Variants in AHNAK observed in about 807,000 individuals in gnomAD.
AHNAK encodes the protein neuroblast differentiation-associated protein AHNAK.
In AHNAK, 23 loss-of-function variants were observed where a neutral mutation model predicts 37.8. That is an observed-to-expected ratio of 0.61 (90% confidence interval 0.44 to 0.86). The LOEUF is 0.86. Among genes scored for constraint, AHNAK ranks in the 40% least tolerant of loss-of-function variants. AHNAK has a pLI of 0.00. For missense variants in AHNAK, 7,411 were observed against 7,319.4 expected, an observed-to-expected ratio of 1.01 and a Z score of -0.46; for synonymous variants, 2,481 against 2,636.3, an observed-to-expected ratio of 0.94 and a Z score of 1.80.
Position 62,527,218 on chromosome 11 carries a change from G to A in AHNAK, c.7199C>T (p.Ala2400Val). 1 of 1,612,756 alleles carries A rather than the reference G, an allele frequency of 6.2e-7. No homozygotes were observed. Among genetic ancestry groups the A allele is most frequent in the Non-Finnish European group, 8.5e-7 (1 of 1,179,540 alleles). The change falls in exon 5 of 5, where the codon GCA (alanine) becomes GTA (valine). Residue 2400 changes from alanine to valine, a missense_variant. By Grantham distance (64) the Ala-to-Val change is moderately conservative (BLOSUM62 0). Transcript: ENST00000378024. ...DLDLHLKSPKAKGEVDVDVPK... is the reference protein window; with the variant it reads ...DLDLHLKSPKVKGEVDVDVPK... The stretch of plus-strand genomic sequence containing the variant: ...AACATCTACATCCACCTCTCCTTTT[G>A]CCTTGGGGCTCTTCAAGTGTAGATC...
intron 5 of AHNAK, among the ~76,000 whole-genome samples, chr11:62,472,982 G>A (rs934426950): frequency 4.7e-5 from 7 of 149,734 alleles, no homozygotes; most frequent in Non-Finnish European, 8.8e-5. Flanking sequence ...CTACTCGGGA[G>A]GCTGAGGCAC....
At chr11:62,454,600 TG>T (rs1172196202) in intron 5 of AHNAK, among the ~76,000 whole-genome samples, 1 of 152,092 alleles carries the variant, frequency 6.6e-6, no homozygotes, top group African/African-American at 2.4e-5. Context: ...GATGCCACCC[TG>T]GGGACCCGCT....
At chr11:62,545,233 G>T (rs1309149188) in intron 1 of AHNAK, among the ~76,000 whole-genome samples, 1 of 152,224 alleles carries the variant, frequency 6.6e-6, no homozygotes, top group African/African-American at 2.4e-5. Context: ...CTGCGAAACC[G>T]GCAAGCACAC....
At chr11:62,488,792 C>T (rs1939444291) in intron 5 of AHNAK, among the ~76,000 whole-genome samples, 1 of 152,056 alleles carries the variant, frequency 6.6e-6, no homozygotes, top group African/African-American at 2.4e-5. Flanking sequence ...AGTGGAGGCC[C>T]AGCACCAGGG....
intron 5 of AHNAK, among the ~76,000 whole-genome samples, chr11:62,481,701 T>C (rs1398171964): frequency 2.4e-5 from 3 of 124,466 alleles, no homozygotes; most frequent in South Asian, 5.6e-4. Flanking sequence ...CCTCAGCCTC[T>C]TGAGTAGCTG....
At chr11:62,536,233 G>T in intron 2 of AHNAK, 135 bp from the exon 3 acceptor site, 1 of 921,400 alleles carries the variant, frequency 1.1e-6, no homozygotes, top group Non-Finnish European at 1.5e-6. Context: ...CCTGCAGCTG[G>T]CTCACCTGCC....
chr11:62,520,530 G>T lies in AHNAK; in HGVS notation c.13887C>A (p.Ile4629=). 1.2e-6 allele frequency: 2 copies of T among 1,614,138 alleles called. No homozygotes were observed. The highest frequency in any genetic ancestry group is 1.7e-6 in the Non-Finnish European group (2 of 1,180,038). Residue 4629 remains isoleucine (I), a synonymous_variant, in exon 5 of 5, where the codon ATC becomes ATA. Coordinates refer to ENST00000378024, the MANE Select transcript of AHNAK (RefSeq NM_001620.3). The stretch of plus-strand genomic sequence containing the variant: ...CATCAATGTCCACTTTGGGGTCCCT[G>T]ATGTCAACTTCGGGGCCCTTGAGGT... ...EGDLKGPEVD[I]RDPKVDIDVP...
At chr11:62,485,738 G>A (rs1264170453) in intron 5 of AHNAK, among the ~76,000 whole-genome samples, 3 of 148,588 alleles carry the variant, frequency 2.0e-5, no homozygotes, top group Middle Eastern at 3.3e-3. Context: ...ACAGAAGGCC[G>A]GGAGTGGTGG....
At chr11:62,451,268 C>G (rs1345828423) in intron 5 of AHNAK, among the ~76,000 whole-genome samples, 1 of 150,824 alleles carries the variant, frequency 6.6e-6, no homozygotes, top group Admixed American at 6.6e-5. Context: ...AATGTCGGGT[C>G]AGAGAAAGGC....
At chr11:62,477,883 G>A (rs1376554938) in intron 5 of AHNAK, among the ~76,000 whole-genome samples, 1 of 152,126 alleles carries the variant, frequency 6.6e-6, no homozygotes, top group Non-Finnish European at 1.5e-5. Flanking sequence ...TGATGGTTGT[G>A]CAGAAACCTG....
chr11:62,517,227 G>T lies in AHNAK; in HGVS notation c.17190C>A (p.Gly5730=). Residue 5730 remains glycine (G), a synonymous_variant, in exon 5 of 5, where the codon GGC becomes GGA. Coordinates refer to ENST00000378024, the MANE Select transcript of AHNAK (RefSeq NM_001620.3). ...ACCCAGAAATTGATGCTTCTGGTGA[G>T]CCAGTGACACCACCTTTCCCTTTAG... is the stretch of plus-strand genomic sequence containing the variant. ...SKPKGKGGVT[G]SPEASISGSK... 1 of 1,614,176 alleles carries T rather than the reference G, an allele frequency of 6.2e-7. No homozygotes were observed. The highest frequency in any genetic ancestry group is 8.5e-7 in the Non-Finnish European group (1 of 1,180,048).
intron 4 of AHNAK, among the ~76,000 whole-genome samples, chr11:62,505,688 C>T (rs1180534697): frequency 3.3e-5 from 5 of 151,800 alleles, no homozygotes; most frequent in Admixed American, 1.3e-4. Context: ...TGCAAGCCGC[C>T]GCCCTTCCCT....
chr11:62,521,255 G>A lies in AHNAK; in HGVS notation c.13162C>T (p.Pro4388Ser), dbSNP rs2134202083. 1.2e-6 allele frequency: 2 copies of A among 1,613,918 alleles called. No individual in the cohort carries two copies. The highest frequency in any genetic ancestry group is 2.2e-5 in the East Asian group (1 of 44,872). The change falls in exon 5 of 5, where the codon CCT becomes TCT. Residue 4388 changes from proline (P) to serine (S), a missense_variant. Physicochemically the swap from Pro to Ser is moderately conservative, Grantham distance 74. Coordinates refer to ENST00000378024, the MANE Select transcript of AHNAK (RefSeq NM_001620.3). ...CCCTTCAAGTTAAAGTCAATGTCAG[G>A]CATGGAGATTTTGGGGGCCTTGATG... ...MNIKAPKISM[P>S]DIDFNLKGPK... is the part of the protein sequence containing the mutation.
chr11:62,488,778 G>A (rs967012273), intron 5 of AHNAK, among the ~76,000 whole-genome samples: 1 of 151,974 alleles, frequency 6.6e-6, no homozygotes, highest in Non-Finnish European at 1.5e-5. Flanking sequence ...TGAGTGTGAA[G>A]TCTAGTGGAG....
intron 5 of AHNAK, among the ~76,000 whole-genome samples, chr11:62,480,803 T>TAAAAAAA (rs1172126377): frequency 9.0e-5 from 4 of 44,492 alleles, no homozygotes; most frequent in African/African-American, 2.2e-4. Flanking sequence ...TGCGTGCAGT[T>TAAAAAAA]AAAAAAAAAA....
chr11:62,513,667 G>T (rs539962111), downstream of AHNAK, among the ~76,000 whole-genome samples: 1 of 152,168 alleles, frequency 6.6e-6, no homozygotes, highest in African/African-American at 2.4e-5. Flanking sequence ...ACATAAGCCC[G>T]TGTCTCCTCC....
rs201311159 is a variant in AHNAK at position 62,521,978 on chromosome 11, C to T, written c.12439G>A (p.Val4147Met). 34 of 1,613,452 alleles carry T rather than the reference C, an allele frequency of 2.1e-5. No homozygotes were observed. In the African/African-American group the frequency reaches 2.4e-4, roughly 11 times the overall value. ...TCCACTTTGGGCAGAGAAACGTCCA[C>T]GTCGCCCTTCATCTTTGGACCTTTC... ...NLKGPKMKGD[V>M]DVSLPKVEGD... is the part of the protein sequence containing the mutation. The change falls in exon 5 of 5, where the codon GTG (valine) becomes ATG (methionine). Residue 4147 changes from valine to methionine, a missense_variant. Physicochemically the swap from Val to Met is conservative, Grantham distance 21 (BLOSUM62 1). Coordinates refer to ENST00000378024, the MANE Select transcript of AHNAK (RefSeq NM_001620.3).
At chr11:62,476,613 C>T (rs1377364765) in intron 5 of AHNAK, among the ~76,000 whole-genome samples, 2 of 152,072 alleles carry the variant, frequency 1.3e-5, no homozygotes, top group African/African-American at 4.8e-5. Context: ...GCCTCATGAG[C>T]TGAGCAAAAA....
At position 62,524,685 on chromosome 11, in the gene AHNAK, T is replaced by A. The variant is rs774628151; in HGVS notation, c.9732A>T (p.Val3244=). 6.2e-7 allele frequency: 1 copy of A among 1,614,232 alleles called. No individual in the cohort carries two copies. The highest frequency in any genetic ancestry group is 8.5e-7 in the Non-Finnish European group (1 of 1,180,038). The part of the protein sequence containing the change: ...KGEVDVSLAN[V]EGDLKGPALD... ...GAGCAGGTCCTTTCAAATCACCTTC[T>A]ACATTTGCAAGTGAAACATCCACCT... is the stretch of plus-strand genomic sequence containing the variant. Residue 3244 remains valine (V), a synonymous_variant, in exon 5 of 5, where the codon GTA becomes GTT. Coordinates refer to ENST00000378024, the MANE Select transcript of AHNAK (RefSeq NM_001620.3).
Sources: allele counts gnomAD v4.1 joint callset (sites outside exome capture counted in the v4.1 genomes callset), GRCh38; gene constraint gnomAD v4.1.1; transcripts MANE v1.5; gene names NCBI Gene and HGNC (gene_info 2026-07-23, HGNC 2026-07-21).